The following NR2C2AP variants were observed in gnomAD, a reference collection of about 807,000 sequenced individuals.
NR2C2AP encodes nuclear receptor 2C2-associated protein.
Under a neutral mutation model 19.1 loss-of-function variants are expected in NR2C2AP, and 13 were observed. That is an observed-to-expected ratio of 0.68 (90% CI 0.44 to 1.08). The LOEUF is 1.08. NR2C2AP is among the 50% of genes least tolerant of loss of function. The pLI, the probability that NR2C2AP is intolerant of heterozygous loss-of-function variation, is 0.00. For missense variants in NR2C2AP, 181 were observed against 172.7 expected (o/e 1.05, Z -0.27); for synonymous variants, 81 against 64.4 (o/e 1.26, Z -1.23).
rs1179990664 is a variant in NR2C2AP, at chr19:19,202,796, C to CT, written c.123dup (p.Asp42ArgfsTer54). On this transcript the variant is annotated frameshift_variant, in exon 2 of 5. Coordinates refer to ENST00000331552, the MANE Select transcript of NR2C2AP (RefSeq NM_176880.6). LOFTEE classifies it high-confidence loss of function. The stretch of plus-strand genomic sequence containing the variant: ...GGTCGAGGGAGGCGCCTCACCTGGT[C>CT]TGAGTTCCAACATGTCTCCTCATCC... 3.1e-6 allele frequency: 5 copies of CT among 1,613,594 alleles called. No individual in the cohort carries two copies. The highest frequency in any genetic ancestry group is 3.4e-6 in the Non-Finnish European group (4 of 1,179,896).
rs2060743207 is a variant in NR2C2AP at position 19,203,141 on chromosome 19, C to T, written c.-81G>A. 3 of 1,485,862 alleles carry T rather than the reference C, an allele frequency of 2.0e-6. No homozygotes were observed. The allele number at this position is 1,485,862 out of a possible 1,614,324, so 92.0% of individuals were successfully genotyped here. On this transcript the variant is annotated 5_prime_UTR_variant, in exon 1 of 5. Transcript: ENST00000331552. ...CCCGGCGCCTCCTCAAGCTACAGGG[C>T]GGCGCGATCTTGGCTACGCCTTGGC...
chr19:19,202,312 A>G lies in NR2C2AP; in HGVS notation c.303+19T>C. On this transcript the variant is annotated intron_variant, in intron 4 of 4. Transcript: ENST00000331552. ...TCCAGAGGCACAGACCACCCACCCC[A>G]GAAGCAGGGGCAGGATATCTGAAGC... The G allele has an allele frequency of 6.2e-7, 1 of 1,612,212 alleles. No homozygotes were observed. Among genetic ancestry groups the G allele is most frequent in the Non-Finnish European group, 8.5e-7 (1 of 1,178,192 alleles).
chr19:19,202,777 G>A lies in NR2C2AP; in HGVS notation c.129+14C>T, dbSNP rs1859056. 0.011 allele frequency: 18,188 copies of A among 1,609,994 alleles called. 991 individuals carry two copies. In the African/African-American group the frequency reaches 0.15, roughly 13 times the overall value. On this transcript the variant is annotated intron_variant, in intron 2 of 4. Coordinates refer to ENST00000331552, the MANE Select transcript of NR2C2AP (RefSeq NM_176880.6). Reference sequence around the variant, plus strand: ...AATCACCCTAGAGATGGAGGGTCGAGGGAGGCGCCTCACCTGGTCTGAGTT... The same window carrying A: ...AATCACCCTAGAGATGGAGGGTCGAAGGAGGCGCCTCACCTGGTCTGAGTT...
rs2060713799 is a variant in NR2C2AP at position 19,201,436 on chromosome 19, T to C, written c.*489A>G. 1 of 1,501,336 alleles carries C rather than the reference T, an allele frequency of 6.7e-7. No homozygotes were observed. The highest frequency in any genetic ancestry group is 9.0e-7 in the Non-Finnish European group (1 of 1,115,632). 93.0% of individuals were successfully genotyped at this position (1,501,336 alleles called of 1,614,324 possible). A position where few individuals can be genotyped will look rare whatever the true frequency, so the allele number is the denominator to read the frequency against. On this transcript the variant is annotated 3_prime_UTR_variant, in exon 5 of 5. Coordinates refer to ENST00000331552, the MANE Select transcript of NR2C2AP (RefSeq NM_176880.6). ...TTGCTTGGTAGGAAATATTTTTATATTAATTCTGAAAAGCTACAAAAGTGC... is the reference window on the plus strand; with the variant it reads ...TTGCTTGGTAGGAAATATTTTTATACTAATTCTGAAAAGCTACAAAAGTGC...
rs2060738596 is a variant in NR2C2AP, at chr19:19,202,697, T to A, written c.129+94A>T. On this transcript the variant is annotated intron_variant, in intron 2 of 4. Transcript: ENST00000331552. ...GAAGGAAATTCGGCACATGTTCCTT[T>A]CCTGGCCACCCATGAGGGCCCCCTG... 10 of 1,424,374 alleles carry A rather than the reference T, an allele frequency of 7.0e-6. No homozygotes were observed. In the East Asian group the frequency reaches 2.3e-4, roughly 32 times the overall value. 88.2% of individuals were successfully genotyped at this position (1,424,374 alleles called of 1,614,324 possible).
rs1050474 is a variant in NR2C2AP at position 19,201,839 on chromosome 19, G to A, written c.*86C>T. The A allele has an allele frequency of 3.7e-5, 60 of 1,611,476 alleles. No individual in the cohort carries two copies. Among genetic ancestry groups the A allele is most frequent in the Non-Finnish European group, 5.0e-5 (59 of 1,178,770 alleles). On this transcript the variant is annotated 3_prime_UTR_variant, in exon 5 of 5. Coordinates refer to ENST00000331552, the MANE Select transcript of NR2C2AP (RefSeq NM_176880.6). Reference sequence around the variant, plus strand: ...GGTGGTGGGAGGGGACCCTTCCCAAGAGGAACCAATAAACCTTCTGTGCAG... The same window carrying A: ...GGTGGTGGGAGGGGACCCTTCCCAAAAGGAACCAATAAACCTTCTGTGCAG...
chr19:19,202,526 G>C lies in NR2C2AP; in HGVS notation c.179C>G (p.Ser60Cys). 7 of 1,613,860 alleles carry C rather than the reference G, an allele frequency of 4.3e-6. No individual in the cohort carries two copies. Among genetic ancestry groups the C allele is most frequent in the Non-Finnish European group, 5.9e-6 (7 of 1,180,026 alleles). The change falls in exon 3 of 5, where the codon TCC becomes TGC. Residue 60 changes from serine (S) to cysteine (C), a missense_variant. By Grantham distance (112) the Ser-to-Cys change is moderately radical. Coordinates refer to ENST00000331552, the MANE Select transcript of NR2C2AP (RefSeq NM_176880.6). ...TLEFPQLIRVSQLQIQFQGGF... is the reference protein window; with the variant it reads ...TLEFPQLIRVCQLQIQFQGGF... ...ACCCTGAAACTGGATCTGCAGCTGG[G>C]AGACACGGATGAGCTGGGGAAACTC...
chr19:19,202,638 G>A, intron 2 of NR2C2AP, 63 bp from the exon 3 acceptor site: 1 of 1,462,268 alleles, frequency 6.8e-7, no homozygotes, highest in South Asian at 1.1e-5. Flanking sequence ...TGCTATGCCT[G>A]TCTCATTCAC....
chr19:19,202,530 CACGGATG>C lies in NR2C2AP; in HGVS notation c.168_174del (p.Ile57SerfsTer32). On this transcript the variant is annotated frameshift_variant, in exon 3 of 5. Coordinates refer to ENST00000331552, the MANE Select transcript of NR2C2AP (RefSeq NM_176880.6). LOFTEE classifies it high-confidence loss of function. ...TGAAACTGGATCTGCAGCTGGGAGACACGGATGAGCTGGGGAAACTCCAGCGTCACCC... is the reference window on the plus strand; with the variant it reads ...TGAAACTGGATCTGCAGCTGGGAGACAGCTGGGGAAACTCCAGCGTCACCC... 1 of 1,613,778 alleles carries C rather than the reference CACGGATG, an allele frequency of 6.2e-7. No homozygotes were observed. Among genetic ancestry groups the C allele is most frequent in the Non-Finnish European group, 8.5e-7 (1 of 1,180,006 alleles).
chr19:19,201,806 T>A lies in NR2C2AP; in HGVS notation c.*119A>T. On this transcript the variant is annotated 3_prime_UTR_variant, in exon 5 of 5. Coordinates refer to ENST00000331552, the MANE Select transcript of NR2C2AP (RefSeq NM_176880.6). ...CCCAGAACTGACTTCAAAGGCAGCT[T>A]CTGGACAGGTGGTGGGAGGGGACCC... The A allele has an allele frequency of 6.2e-7, 1 of 1,612,832 alleles. No individual in the cohort carries two copies. Among genetic ancestry groups the A allele is most frequent in the Non-Finnish European group, 8.5e-7 (1 of 1,179,484 alleles).
rs377348196 is a variant in NR2C2AP at position 19,201,644 on chromosome 19, C to A, written c.*281G>T. 4.3e-6 allele frequency: 7 copies of A among 1,614,020 alleles called. No individual in the cohort carries two copies. The African/African-American group carries it at 8.0e-5, about 18-fold the overall frequency. On this transcript the variant is annotated 3_prime_UTR_variant, in exon 5 of 5. Transcript: ENST00000331552. ...ACAGCCCACCTTTTCCCTGCCCCAT[C>A]TCAGTGCAACAGGTGATCGAGAACC...
Position 19,201,895 on chromosome 19 carries a change from G to A in NR2C2AP, c.*30C>T, listed in dbSNP as rs755954287. The A allele has an allele frequency of 6.2e-7, 1 of 1,613,898 alleles. No homozygotes were observed. Among genetic ancestry groups the A allele is most frequent in the East Asian group, 2.2e-5 (1 of 44,886 alleles). The stretch of plus-strand genomic sequence containing the variant: ...GGGACTTTGCTGTGCTTCCCGGAGG[G>A]CTTCCTGGAGGAGACAGCCCCTAGA... On this transcript the variant is annotated 3_prime_UTR_variant, in exon 5 of 5. Transcript: ENST00000331552.
At chr19:19,202,148 A>G (rs2060730022) in intron 4 of NR2C2AP, 107 bp from the exon 5 acceptor site, 3 of 1,288,584 alleles carry the variant, frequency 2.3e-6, no homozygotes, top group African/African-American at 2.9e-5. Flanking sequence ...CAACCTGGGG[A>G]AGCTGCAGGT....
At chr19:19,202,761 A>T (rs750676736) in intron 2 of NR2C2AP, 30 bp downstream of exon 2, 31 of 1,568,942 alleles carry the variant, frequency 2.0e-5, no homozygotes, top group African/African-American at 2.7e-5. Flanking sequence ...GAATCACCCT[A>T]GAGATGGAGG....
Position 19,203,153 on chromosome 19 carries a change from G to C in NR2C2AP, c.-93C>G. On this transcript the variant is annotated 5_prime_UTR_variant, in exon 1 of 5. Transcript: ENST00000331552. ...TCAAGCTACAGGGCGGCGCGATCTTGGCTACGCCTTGGCCTGAACGTCCTC... is the reference window on the plus strand; with the variant it reads ...TCAAGCTACAGGGCGGCGCGATCTTCGCTACGCCTTGGCCTGAACGTCCTC... 1.5e-6 allele frequency: 2 copies of C among 1,355,342 alleles called. No homozygotes were observed. Among genetic ancestry groups the C allele is most frequent in the South Asian group, 2.4e-5 (2 of 82,562 alleles). 84.0% of individuals were successfully genotyped at this position (1,355,342 alleles called of 1,614,324 possible).
At position 19,201,456 on chromosome 19, in the gene NR2C2AP, A is replaced by C; in HGVS notation, c.*469T>G. On this transcript the variant is annotated 3_prime_UTR_variant, in exon 5 of 5. Coordinates refer to ENST00000331552, the MANE Select transcript of NR2C2AP (RefSeq NM_176880.6). ...TTATATTAATTCTGAAAAGCTACAA[A>C]AGTGCATTTTTACAAACTTAGGGGA... 20 of 1,547,480 alleles carry C rather than the reference A, an allele frequency of 1.3e-5. No homozygotes were observed. Among genetic ancestry groups the C allele is most frequent in the Non-Finnish European group, 1.7e-5 (20 of 1,152,060 alleles).
At position 19,201,568 on chromosome 19, in the gene NR2C2AP, G is replaced by A. The variant is rs1222696572; in HGVS notation, c.*357C>T. 1 of 1,610,068 alleles carries A rather than the reference G, an allele frequency of 6.2e-7. No homozygotes were observed. Among genetic ancestry groups the A allele is most frequent in the Non-Finnish European group, 8.5e-7 (1 of 1,179,896 alleles). ...GCAAGGGTCCCTGTTTGTCCCCTAA[G>A]GGGAGAGCGCAGGTTGGCCTGTGCC... is the stretch of plus-strand genomic sequence containing the variant. On this transcript the variant is annotated 3_prime_UTR_variant, in exon 5 of 5. Coordinates refer to ENST00000331552, the MANE Select transcript of NR2C2AP (RefSeq NM_176880.6).
At position 19,201,683 on chromosome 19, in the gene NR2C2AP, C is replaced by T. The variant is rs761438820; in HGVS notation, c.*242G>A. 5 of 1,614,152 alleles carry T rather than the reference C, an allele frequency of 3.1e-6. No homozygotes were observed. In the South Asian group the frequency reaches 5.5e-5, roughly 18 times the overall value. On this transcript the variant is annotated 3_prime_UTR_variant, in exon 5 of 5. Coordinates refer to ENST00000331552, the MANE Select transcript of NR2C2AP (RefSeq NM_176880.6). The stretch of plus-strand genomic sequence containing the variant: ...TGATCGAGAACCACATCCTCAAGCT[C>T]TTCCAGAGCAACCTGGTGCCCGCTG...
chr19:19,201,870 G>A lies in NR2C2AP; in HGVS notation c.*55C>T. 1.9e-6 allele frequency: 3 copies of A among 1,613,150 alleles called. No individual in the cohort carries two copies. Among genetic ancestry groups the A allele is most frequent in the South Asian group, 1.1e-5 (1 of 90,948 alleles). On this transcript the variant is annotated 3_prime_UTR_variant, in exon 5 of 5. Transcript: ENST00000331552. Reference sequence around the variant, plus strand: ...CCAATAAACCTTCTGTGCAGAATGAGGGACTTTGCTGTGCTTCCCGGAGGG... The same window carrying A: ...CCAATAAACCTTCTGTGCAGAATGAAGGACTTTGCTGTGCTTCCCGGAGGG...
Sources: gnomAD v4.1 joint callset for allele counts on GRCh38, gnomAD v4.1.1 for gene constraint, MANE v1.5 for transcripts, NCBI Gene and HGNC (gene_info 2026-07-23, HGNC 2026-07-21) for gene names.